Variants in EYA3 observed in about 807,000 individuals in gnomAD.
EYA3 encodes the protein protein phosphatase EYA3.
EYA3 carries 39 observed loss-of-function variants against 80.0 expected under a neutral mutation model. That is an observed-to-expected ratio of 0.49 (90% CI 0.38 to 0.64). The LOEUF is 0.64. Ranked by LOEUF, EYA3 falls within the 30% of genes least tolerant of loss-of-function variation. The probability of loss-of-function intolerance (pLI) is 0.00; values close to 1 mark genes in which losing one functional copy is unlikely to be tolerated. For synonymous variants in EYA3, 206 were observed against 232.8 expected (o/e 0.88, Z 1.05); for missense variants, 523 against 676.1 (o/e 0.77, Z 2.51).
chr1:28,038,733 T>C, intron 5 of EYA3, 106 bp downstream of exon 5: 1 of 593,292 alleles, frequency 1.7e-6, no homozygotes, highest in Non-Finnish European at 2.8e-6. Flanking sequence ...ATAAGAGAGG[T>C]AAAAATAATT....
At chr1:28,076,852 T>C (rs1238443357) in intron 1 of EYA3, among the ~76,000 whole-genome samples, 2 of 149,002 alleles carry the variant, frequency 1.3e-5, no homozygotes, top group African/African-American at 4.9e-5. Flanking sequence ...GTGATTATCC[T>C]GCCTCAGCCT....
chr1:28,077,033 G>A (rs1338355832), intron 1 of EYA3, among the ~76,000 whole-genome samples: 4 of 150,140 alleles, frequency 2.7e-5, no homozygotes, highest in East Asian at 2.0e-4. Flanking sequence ...AAGCCACCAC[G>A]CCCGGTCTGT....
At chr1:27,979,794 C>G (rs1479713618) in intron 16 of EYA3, among the ~76,000 whole-genome samples, 2 of 152,192 alleles carry the variant, frequency 1.3e-5, no homozygotes, top group South Asian at 4.1e-4. Flanking sequence ...GCCTCTTCCT[C>G]AAGACATTTG....
chr1:28,054,152 C>CA (rs1442932572), intron 2 of EYA3, among the ~76,000 whole-genome samples: 6 of 152,056 alleles, frequency 3.9e-5, no homozygotes, highest in East Asian at 1.9e-4. Context: ...AAATTTCACA[C>CA]AAAAAACAAT....
chr1:28,062,152 C>G (rs1644654538), intron 1 of EYA3, among the ~76,000 whole-genome samples: 2 of 152,146 alleles, frequency 1.3e-5, no homozygotes, highest in Non-Finnish European at 2.9e-5. Context: ...TCACAATTTT[C>G]TAATTTCAAT....
chr1:28,039,552 C>A (rs973220518), intron 4 of EYA3, among the ~76,000 whole-genome samples: 1 of 152,144 alleles, frequency 6.6e-6, no homozygotes, highest in African/African-American at 2.4e-5. Context: ...CTCTTGACCC[C>A]CATGACTTCA....
intron 9 of EYA3, among the ~76,000 whole-genome samples, 160 bp downstream of exon 9, chr1:28,012,951 A>G (rs1431987463): frequency 1.3e-5 from 2 of 152,208 alleles, no homozygotes; most frequent in African/African-American, 2.4e-5. Flanking sequence ...CAGCCTACCA[A>G]TGACTCACAG....
intron 6 of EYA3, among the ~76,000 whole-genome samples, chr1:28,033,095 ATAT>A (rs1643239652): frequency 6.6e-6 from 1 of 152,186 alleles, no homozygotes; most frequent in South Asian, 2.1e-4. Flanking sequence ...AGACAAGGTA[ATAT>A]TATTATAATG....
intron 7 of EYA3, among the ~76,000 whole-genome samples, chr1:28,020,854 C>T (rs1255809601): frequency 6.6e-6 from 1 of 152,182 alleles, no homozygotes; most frequent in Non-Finnish European, 1.5e-5. Context: ...GCTGCTAGCT[C>T]TCCAAATGCT....
At chr1:28,048,631 C>T (rs1014625765) in intron 2 of EYA3, among the ~76,000 whole-genome samples, 1 of 151,794 alleles carries the variant, frequency 6.6e-6, no homozygotes, top group African/African-American at 2.4e-5. Flanking sequence ...AAAAAGTGTT[C>T]TTCTGATTAA....
At chr1:28,014,650 T>A (rs1571802835) in intron 8 of EYA3, among the ~76,000 whole-genome samples, 2 of 151,144 alleles carry the variant, frequency 1.3e-5, no homozygotes, top group South Asian at 2.1e-4. Context: ...ATCGCTTGAA[T>A]CTGGGAGACA....
intron 5 of EYA3, among the ~76,000 whole-genome samples, chr1:28,038,451 A>C (rs1440592723): frequency 4.0e-5 from 6 of 150,802 alleles, no homozygotes; most frequent in African/African-American, 7.3e-5. Flanking sequence ...AAAAAAAAAA[A>C]AAAAAAAAAA....
intron 1 of EYA3, among the ~76,000 whole-genome samples, chr1:28,069,564 AG>A (rs1644949584): frequency 7.0e-6 from 1 of 142,456 alleles, no homozygotes; most frequent in Non-Finnish European, 1.5e-5. Context: ...AAAAAAAAAA[AG>A]AGAGAGAAGA....
Position 28,088,550 on chromosome 1 carries a change from G to A in EYA3, c.-95C>T, listed in dbSNP as rs1025815419. The stretch of plus-strand genomic sequence containing the variant: ...CAAAGGCTGTAAAAGCCCCACAACA[G>A]GACATGGAGATCAGTCCAGACCCAC... On this transcript the variant is annotated 5_prime_UTR_variant, in exon 1 of 18. Transcript: ENST00000373871. The A allele has an allele frequency of 6.5e-6, 1 of 152,914 alleles. No homozygotes were observed. Among genetic ancestry groups the A allele is most frequent in the Non-Finnish European group, 1.5e-5 (1 of 68,256 alleles). 9.5% of individuals were successfully genotyped at this position (152,914 alleles called of 1,614,324 possible).
chr1:27,999,483 A>C (rs566325654), intron 12 of EYA3, among the ~76,000 whole-genome samples: 1 of 152,320 alleles, frequency 6.6e-6, no homozygotes, highest in African/African-American at 2.4e-5. Context: ...CTACATATGA[A>C]CAACAAATAT....
intron 14 of EYA3, among the ~76,000 whole-genome samples, chr1:27,991,714 C>T (rs973668071): frequency 1.3e-5 from 2 of 152,116 alleles, no homozygotes; most frequent in African/African-American, 4.8e-5. Flanking sequence ...ATATGATATA[C>T]TCAACTAATA....
In EYA3 at chr1:28,065,983, T is replaced by C. The variant is rs190546813; in HGVS notation, c.-68-7889A>G. Among the ~76,000 whole-genome samples, 456 of 150,430 alleles carry C rather than the reference T, an allele frequency of 3.0e-3. 2 individuals carry two copies. The highest frequency in any genetic ancestry group is 0.01 in the African/African-American group (424 of 40,924). On this transcript the variant is annotated intron_variant, in intron 1 of 17. Transcript: ENST00000373871. ...GAGATCACGCCATTGCACTCCAGCC[T>C]GGGCAAGAGTGAAACTCTGTCTCAA...
chr1:27,979,187 T>C (rs1327322728), intron 16 of EYA3, among the ~76,000 whole-genome samples: 2 of 152,114 alleles, frequency 1.3e-5, no homozygotes, highest in Non-Finnish European at 1.5e-5. Context: ...TGGGGTGAAA[T>C]GTTTTAGGGT....
At position 28,079,542 on chromosome 1, in the gene EYA3, T is replaced by C. The variant is rs192538898; in HGVS notation, c.-69+8982A>G. Among the ~76,000 whole-genome samples the C allele has an allele frequency of 5.5e-3, 832 of 152,280 alleles. 9 individuals are homozygous for C. The highest frequency in any genetic ancestry group is 0.048 in the Middle Eastern group (14 of 294). On this transcript the variant is annotated intron_variant, in intron 1 of 17. Coordinates refer to ENST00000373871, the MANE Select transcript of EYA3 (RefSeq NM_001990.4). ...CTGAAAGGACCTAAACTTTGGACTGTTAGATGGAAACTAGCAAAGGATTCT... is the reference window on the plus strand; with the variant it reads ...CTGAAAGGACCTAAACTTTGGACTGCTAGATGGAAACTAGCAAAGGATTCT...
Sources: allele counts gnomAD v4.1 joint callset (sites outside exome capture counted in the v4.1 genomes callset), GRCh38; gene constraint gnomAD v4.1.1; transcripts MANE v1.5; gene names NCBI Gene and HGNC (gene_info 2026-07-23, HGNC 2026-07-21).